Variants in C10orf143 observed in about 807,000 individuals in gnomAD.
The protein encoded by C10orf143 is chromosome 10 open reading frame 143.
chr10:130,053,294 A>G (rs2134734432), intron 3 of C10orf143, among the ~76,000 whole-genome samples: 1 of 152,276 alleles, frequency 6.6e-6, no homozygotes, highest in Non-Finnish European at 1.5e-5. Context: ...CTCCTGATAT[A>G]TCACATGACC....
intron 3 of C10orf143, among the ~76,000 whole-genome samples, chr10:130,041,862 T>C (rs1484382373): frequency 6.6e-6 from 1 of 151,860 alleles, no homozygotes; most frequent in Non-Finnish European, 1.5e-5. Flanking sequence ...CCCATGTGCA[T>C]ACTCTCACAT....
At chr10:130,095,945 G>T (rs1172904753) in intron 1 of C10orf143, among the ~76,000 whole-genome samples, 1 of 152,178 alleles carries the variant, frequency 6.6e-6, no homozygotes, top group Non-Finnish European at 1.5e-5. Flanking sequence ...TGATGAATGG[G>T]ATCTAATTAA....
intron 1 of C10orf143, among the ~76,000 whole-genome samples, chr10:130,109,598 C>T (rs1284017192): frequency 6.6e-6 from 1 of 151,980 alleles, no homozygotes; most frequent in African/African-American, 2.4e-5. Context: ...ATTACTATAC[C>T]ATATTATTAC....
chr10:130,058,817 GT>G (rs1245617432), intron 3 of C10orf143, among the ~76,000 whole-genome samples: 11 of 147,836 alleles, frequency 7.4e-5, no homozygotes, highest in African/African-American at 1.7e-4. Context: ...CTTTATGTGG[GT>G]TTTTTTTTTG....
At chr10:130,102,266 G>A (rs545270471) in intron 1 of C10orf143, among the ~76,000 whole-genome samples, 2 of 88,912 alleles carry the variant, frequency 2.2e-5, no homozygotes, top group South Asian at 6.0e-4. Context: ...TAAGTCAGGC[G>A]GTTTGATATT....
intron 3 of C10orf143, among the ~76,000 whole-genome samples, chr10:130,069,858 CT>C (rs35594121): frequency 0.55 from 83,206 of 150,028 alleles, 25,003 homozygotes; most frequent in Admixed American, 0.69. Flanking sequence ...TCCATTGTTT[CT>C]TTTTTTTTTT....
At chr10:130,107,971 T>A in intron 1 of C10orf143, 1 of 1,517,810 alleles carries the variant, frequency 6.6e-7, no homozygotes, top group South Asian at 1.1e-5. Context: ...GAAGTTTTAA[T>A]ATGCCTCCTT....
At chr10:130,106,610 G>A (rs1412648161) in intron 1 of C10orf143, 10 of 1,408,846 alleles carry the variant, frequency 7.1e-6, no homozygotes, top group African/African-American at 4.2e-5. Context: ...ACAAGTAGCT[G>A]AAGCCAAAAT....
intron 1 of C10orf143, among the ~76,000 whole-genome samples, chr10:130,092,738 G>A (rs552005869): frequency 1.2e-4 from 18 of 151,764 alleles, no homozygotes; most frequent in Non-Finnish European, 1.9e-4. Flanking sequence ...CCAAGCAAAC[G>A]GAAAGCAAAA....
intron 1 of C10orf143, among the ~76,000 whole-genome samples, chr10:130,109,641 A>G (rs1215679449): frequency 1.3e-5 from 2 of 152,138 alleles, no homozygotes; most frequent in Admixed American, 1.3e-4. Flanking sequence ...CCCTAGTAAT[A>G]TAACAATTGG....
In C10orf143 at chr10:130,065,862, GGC is replaced by G. The variant is rs1860923258; in HGVS notation, c.298-1481_298-1480del. 6.6e-6 allele frequency: 1 copy of G among 152,174 alleles called. No homozygotes were observed. The highest frequency in any genetic ancestry group is 2.1e-4 in the South Asian group (1 of 4,818). 9.4% of individuals were successfully genotyped at this position (152,174 alleles called of 1,614,324 possible). Reference sequence around the variant, plus strand: ...ACGGCTCTGGGCTGTGCACTGAAGGGGCAGAGTCAGTGGAAGCCTGGGAGGCT... The same window carrying G: ...ACGGCTCTGGGCTGTGCACTGAAGGGAGAGTCAGTGGAAGCCTGGGAGGCT... On this transcript the variant is annotated intron_variant, in intron 3 of 3. Transcript: ENST00000637128. This position sits in a 1 kb window ranked among gnomAD's most constrained non-coding sequence, Gnocchi z 4.2.
At chr10:130,075,954 T>G (rs893124918) in intron 3 of C10orf143, among the ~76,000 whole-genome samples, 1 of 151,886 alleles carries the variant, frequency 6.6e-6, no homozygotes. Context: ...CAGGTAGTTT[T>G]TGTGTGTGTA....
At chr10:130,106,129 A>C in intron 1 of C10orf143, 1 of 719,174 alleles carries the variant, frequency 1.4e-6, no homozygotes, top group Non-Finnish European at 2.5e-6. Flanking sequence ...CGCTGCCTGA[A>C]AGTATGAGAC....
chr10:130,077,852 A>G (rs1476039625), intron 3 of C10orf143, among the ~76,000 whole-genome samples: 1 of 152,250 alleles, frequency 6.6e-6, no homozygotes, highest in Non-Finnish European at 1.5e-5. Context: ...AAGAGGTGTG[A>G]CTTTTCAAAT....
chr10:130,107,033 G>C lies in C10orf143; in HGVS notation c.69+3671C>G, dbSNP rs1233252712. ...TGCTTCTTTAAAAACCTTAGAAGGAGAAAGAAACCAAATTTATATCCAGTT... is the reference window on the plus strand; with the variant it reads ...TGCTTCTTTAAAAACCTTAGAAGGACAAAGAAACCAAATTTATATCCAGTT... On this transcript the variant is annotated intron_variant, in intron 1 of 3. Coordinates refer to ENST00000637128, the MANE Select transcript of C10orf143 (RefSeq NM_001355042.2). 2.2e-6 allele frequency: 3 copies of C among 1,350,520 alleles called. No homozygotes were observed. In the South Asian group the frequency reaches 3.5e-5, roughly 16 times the overall value. 83.7% of individuals were successfully genotyped at this position (1,350,520 alleles called of 1,614,324 possible).
At chr10:130,080,090 A>C (rs1210332586) in intron 1 of C10orf143, among the ~76,000 whole-genome samples, 189 bp from the exon 2 acceptor site, 1 of 152,180 alleles carries the variant, frequency 6.6e-6, no homozygotes, top group Non-Finnish European at 1.5e-5. Context: ...ATTTAACCTC[A>C]TTATTTCTTG....
intron 1 of C10orf143, among the ~76,000 whole-genome samples, chr10:130,080,174 A>T (rs1287775895): frequency 6.6e-6 from 1 of 152,246 alleles, no homozygotes; most frequent in Non-Finnish European, 1.5e-5. Flanking sequence ...AACTCTTGTA[A>T]TAAACTATGG....
intron 3 of C10orf143, among the ~76,000 whole-genome samples, chr10:130,058,388 G>C (rs1860818561): frequency 6.6e-6 from 1 of 151,968 alleles, no homozygotes; most frequent in East Asian, 1.9e-4. Context: ...GAGTTCTGGG[G>C]GTTAAATATG....
chr10:130,078,572 C>G (rs1861156991), intron 3 of C10orf143, among the ~76,000 whole-genome samples: 1 of 152,142 alleles, frequency 6.6e-6, no homozygotes, highest in African/African-American at 2.4e-5. Flanking sequence ...CAAAAAGTAG[C>G]AAAGTATACC....
Sources: gnomAD v4.1 joint callset for allele counts (sites outside exome capture counted in the v4.1 genomes callset) on GRCh38, gnomAD v4.1.1 for gene constraint, Gnocchi (gnomAD v3.1) non-coding constraint, MANE v1.5 for transcripts, NCBI Gene and HGNC (gene_info 2026-07-23, HGNC 2026-07-21) for gene names.